Variants in ARHGAP5 observed in about 807,000 individuals in gnomAD.
ARHGAP5 encodes rho GTPase-activating protein 5.
In ARHGAP5, 23 loss-of-function variants were observed where a neutral mutation model predicts 116.6. That is an observed-to-expected ratio of 0.20 (90% CI 0.14 to 0.28). The LOEUF (loss-of-function observed/expected upper bound fraction) is 0.28. ARHGAP5 is among the 10% of genes least tolerant of loss of function. The pLI, the probability that ARHGAP5 is intolerant of heterozygous loss-of-function variation, is 1.00. For missense variants in ARHGAP5, 1,405 were observed against 1,774.8 expected (o/e 0.79, Z 3.74); for synonymous variants, 574 against 602.0 (o/e 0.95, Z 0.68).
chr14:32,101,541 G>A (rs535000343), intron 2 of ARHGAP5, among the ~76,000 whole-genome samples: 31 of 151,878 alleles, frequency 2.0e-4, no homozygotes, highest in African/African-American at 5.6e-4. Context: ...TGAGAAAAGC[G>A]TGCTTTTTGT....
At chr14:32,125,507 A>C (rs192312957) in intron 3 of ARHGAP5, among the ~76,000 whole-genome samples, 7 of 152,220 alleles carry the variant, frequency 4.6e-5, no homozygotes, top group Non-Finnish European at 7.3e-5. Flanking sequence ...GGAGTAGAAT[A>C]CTGGATCATA....
At chr14:32,101,097 T>C (rs1016234104) in intron 2 of ARHGAP5, among the ~76,000 whole-genome samples, 4 of 152,214 alleles carry the variant, frequency 2.6e-5, no homozygotes, top group African/African-American at 9.6e-5. Context: ...TCCTGTCTTA[T>C]TCCAGGCCCT....
intron 3 of ARHGAP5, among the ~76,000 whole-genome samples, chr14:32,132,302 T>C (rs1028105377): frequency 2.6e-5 from 4 of 152,214 alleles, no homozygotes; most frequent in Non-Finnish European, 4.4e-5. Flanking sequence ...TGGTATCTTA[T>C]TGTGGTTTTG....
chr14:32,133,490 A>G (rs916423122), intron 3 of ARHGAP5, among the ~76,000 whole-genome samples: 74 of 152,268 alleles, frequency 4.9e-4, no homozygotes, highest in Non-Finnish European at 5.9e-4. Context: ...GGCTGAGACA[A>G]TGGGGTTTTC....
At position 32,091,971 on chromosome 14, in the gene ARHGAP5, C is replaced by G. The variant is rs891978125; in HGVS notation, c.1302C>G (p.Phe434Leu). The change falls in exon 2 of 7, where the codon TTC becomes TTG. Residue 434 changes from phenylalanine (F) to leucine (L), a missense_variant. Around this residue, in one of 6 missense-constraint regions of ARHGAP5, gnomAD observed 944 missense variants for 1,095.3 expected, o/e 0.86. Coordinates refer to ENST00000345122, the MANE Select transcript of ARHGAP5 (RefSeq NM_001030055.2). ...EKRRVEMKEK[F>L]KKTLEKIQFI... is the part of the protein sequence containing the mutation. ...GGAGGGTGGAAATGAAGGAAAAATT[C>G]AAAAAGACTTTGGAAAAAATTCAAT... 2.5e-6 allele frequency: 4 copies of G among 1,613,572 alleles called. No individual in the cohort carries two copies. Among genetic ancestry groups the G allele is most frequent in the Non-Finnish European group, 3.4e-6 (4 of 1,179,674 alleles).
intron 2 of ARHGAP5, among the ~76,000 whole-genome samples, chr14:32,109,514 T>C (rs188293285): frequency 1.9e-4 from 29 of 152,192 alleles, no homozygotes; most frequent in Admixed American, 7.2e-4. Context: ...TGGCCTGTTA[T>C]CAGATTATTT....
chr14:32,143,656 T>G (rs1881242281), intron 3 of ARHGAP5, among the ~76,000 whole-genome samples: 1 of 152,226 alleles, frequency 6.6e-6, no homozygotes, highest in Non-Finnish European at 1.5e-5. Context: ...TTTGGGTGAT[T>G]TAAGGCCATA....
chr14:32,129,391 A>G (rs1880359477), intron 3 of ARHGAP5, among the ~76,000 whole-genome samples: 1 of 152,186 alleles, frequency 6.6e-6, no homozygotes, highest in South Asian at 2.1e-4. Flanking sequence ...GGAACGCCCC[A>G]CTATGACAAA....
At position 32,107,249 on chromosome 14, in the gene ARHGAP5, T is replaced by A. The variant is rs139523152; in HGVS notation, c.3718-9891T>A. ...TTTTCCAAGTGAATTCACATACAGTTGGCTATTCTTCCTGTAACTTGATGA... is the reference window on the plus strand; with the variant it reads ...TTTTCCAAGTGAATTCACATACAGTAGGCTATTCTTCCTGTAACTTGATGA... On this transcript the variant is annotated intron_variant, in intron 2 of 6. Transcript: ENST00000345122. Among the ~76,000 whole-genome samples, 424 of 152,276 alleles carry A rather than the reference T, an allele frequency of 2.8e-3. 4 individuals carry two copies. Among genetic ancestry groups the A allele is most frequent in the African/African-American group, 9.7e-3 (403 of 41,562 alleles).
intron 1 of ARHGAP5, among the ~76,000 whole-genome samples, chr14:32,083,486 A>C (rs1338981096): frequency 6.6e-6 from 1 of 152,222 alleles, no homozygotes; most frequent in Non-Finnish European, 1.5e-5. Flanking sequence ...CCAAACCCTG[A>C]GTTATTTCAA....
At position 32,092,613 on chromosome 14, in the gene ARHGAP5, A is replaced by G. The variant is rs1383705731; in HGVS notation, c.1944A>G (p.Leu648=). ...DAKSPYFLSQ[L]WTAAFKPHGC... ...AATCGCCTTACTTTTTGAGTCAGTT[A>G]TGGACTGCCGCCTTTAAACCACATG... Residue 648 remains leucine (L), a synonymous_variant, in exon 2 of 7, where the codon TTA becomes TTG. Transcript: ENST00000345122. The surrounding 1 kb of genome is among the most constrained non-coding windows in gnomAD (Gnocchi z 4.1). The G allele has an allele frequency of 3.1e-6, 5 of 1,613,924 alleles. No homozygotes were observed. Among genetic ancestry groups the G allele is most frequent in the South Asian group, 1.1e-5 (1 of 91,058 alleles).
intron 4 of ARHGAP5, among the ~76,000 whole-genome samples, chr14:32,146,856 AACAAGAAACTATCTCTTAC>A (rs1881401470): frequency 6.6e-6 from 1 of 152,218 alleles, no homozygotes; most frequent in African/African-American, 2.4e-5. Flanking sequence ...TTTTTGAAAT[AACAAGAAACTATCTCTTAC>A]ACTAAGACTG....
At chr14:32,082,307 T>A (rs2041785129) in intron 1 of ARHGAP5, among the ~76,000 whole-genome samples, 1 of 152,214 alleles carries the variant, frequency 6.6e-6, no homozygotes, top group South Asian at 2.1e-4. Flanking sequence ...CATAGGTAAT[T>A]TTCTGAAGTT....
chr14:32,136,991 G>C (rs891284910), intron 3 of ARHGAP5, among the ~76,000 whole-genome samples: 3 of 151,714 alleles, frequency 2.0e-5, no homozygotes, highest in African/African-American at 7.3e-5. Context: ...TATCAGGTAA[G>C]TGATTTGCAA....
chr14:32,123,193 T>C (rs1879976130), intron 3 of ARHGAP5, among the ~76,000 whole-genome samples: 2 of 152,056 alleles, frequency 1.3e-5, no homozygotes, highest in East Asian at 3.9e-4. Flanking sequence ...TTAGTATGTG[T>C]GTTTTAAAAA....
chr14:32,123,884 C>T (rs1880012628), intron 3 of ARHGAP5, among the ~76,000 whole-genome samples: 1 of 151,938 alleles, frequency 6.6e-6, no homozygotes, highest in African/African-American at 2.4e-5. Context: ...TAGATTTGAC[C>T]CTGTGCCCCA....
At chr14:32,115,261 C>T (rs918832917) in intron 2 of ARHGAP5, among the ~76,000 whole-genome samples, 4 of 152,292 alleles carry the variant, frequency 2.6e-5, no homozygotes, top group African/African-American at 9.6e-5. Flanking sequence ...GAATCATTTT[C>T]CCTCTAATGC....
chr14:32,158,163 A>G lies in ARHGAP5; in HGVS notation c.*3215A>G. 6.6e-6 allele frequency: 1 copy of G among 151,676 alleles called. No individual in the cohort carries two copies. The highest frequency in any genetic ancestry group is 1.5e-5 in the Non-Finnish European group (1 of 67,692). The allele number at this position is 151,676 out of a possible 1,614,324, so 9.4% of individuals were successfully genotyped here. On this transcript the variant is annotated 3_prime_UTR_variant, in exon 7 of 7. Coordinates refer to ENST00000345122, the MANE Select transcript of ARHGAP5 (RefSeq NM_001030055.2). ...TTAAGTTATAGTTGCCTCTATTTTT[A>G]CCATTTCATTGGTAAAAATTAGCTA...
intron 2 of ARHGAP5, among the ~76,000 whole-genome samples, chr14:32,100,265 A>T (rs1449936475): frequency 6.6e-6 from 1 of 152,114 alleles, no homozygotes; most frequent in Non-Finnish European, 1.5e-5. Flanking sequence ...CAGTGGTACC[A>T]TCGAGCTCAC....
Sources: gnomAD v4.1 joint callset for allele counts (sites outside exome capture counted in the v4.1 genomes callset) on GRCh38, gnomAD v4.1.1 for gene constraint, gnomAD v4.1.1 regional missense constraint, Gnocchi (gnomAD v3.1) non-coding constraint, MANE v1.5 for transcripts, NCBI Gene and HGNC (gene_info 2026-07-23, HGNC 2026-07-21) for gene names.